The following COBL variants were observed in gnomAD, a reference collection of about 807,000 sequenced individuals.
COBL encodes protein cordon-bleu.
Under a neutral mutation model 98.8 loss-of-function variants are expected in COBL, and 51 were observed. The observed-to-expected ratio is 0.52, with a 90% CI of 0.41 to 0.65. The LOEUF (loss-of-function observed/expected upper bound fraction) is 0.65. Ranked by LOEUF, COBL falls within the 30% of genes least tolerant of loss-of-function variation. The pLI, the probability that COBL is intolerant of heterozygous loss-of-function variation, is 0.00. For missense variants in COBL, 1,617 were observed against 1,617.5 expected, an observed-to-expected ratio of 1.00 and a Z score of 0.01; for synonymous variants, 634 against 651.7, an observed-to-expected ratio of 0.97 and a Z score of 0.41.
intron 5 of COBL, among the ~76,000 whole-genome samples, chr7:51,156,069 T>C (rs2129028805): frequency 6.6e-6 from 1 of 152,314 alleles, no homozygotes; most frequent in East Asian, 1.9e-4. Context: ...GCTATAAAGC[T>C]AGAAAATCAT....
At chr7:51,057,408 T>C (rs1790870489) in intron 7 of COBL, among the ~76,000 whole-genome samples, 1 of 152,110 alleles carries the variant, frequency 6.6e-6, no homozygotes, top group Non-Finnish European at 1.5e-5. Context: ...CATATCCCCC[T>C]GTGAATAAGC....
intron 1 of COBL, among the ~76,000 whole-genome samples, chr7:51,315,360 A>G (rs1213933990): frequency 1.3e-5 from 2 of 152,070 alleles, no homozygotes; most frequent in Admixed American, 6.5e-5. Context: ...CCTGGCATTA[A>G]AGGAAAACTT....
At chr7:51,188,709 C>T (rs186427457) in intron 4 of COBL, among the ~76,000 whole-genome samples, 156 of 152,282 alleles carry the variant, frequency 1.0e-3, no homozygotes, top group African/African-American at 3.5e-3. Context: ...CCAAGCTGAC[C>T]GCACCGGCTT....
intron 1 of COBL, among the ~76,000 whole-genome samples, chr7:51,285,831 C>T (rs1800306659): frequency 6.6e-6 from 1 of 152,118 alleles, no homozygotes; most frequent in Non-Finnish European, 1.5e-5. Context: ...ATTACATAGC[C>T]TTAAGACTTA....
intron 5 of COBL, among the ~76,000 whole-genome samples, chr7:51,181,946 C>T (rs1435155168): frequency 6.6e-6 from 1 of 152,226 alleles, no homozygotes; most frequent in Non-Finnish European, 1.5e-5. Flanking sequence ...TCCCCACACC[C>T]TGAACTATCA....
chr7:51,119,104 A>G (rs1258124204), intron 6 of COBL, among the ~76,000 whole-genome samples: 1 of 152,208 alleles, frequency 6.6e-6, no homozygotes, highest in African/African-American at 2.4e-5. Context: ...GACACATAAA[A>G]AGGTTAAAAC....
At chr7:51,129,824 C>G (rs186803867) in intron 6 of COBL, among the ~76,000 whole-genome samples, 2 of 152,112 alleles carry the variant, frequency 1.3e-5, no homozygotes, top group Non-Finnish European at 2.9e-5. Flanking sequence ...TCAACTGTGA[C>G]GTGAGGCCAG....
intron 7 of COBL, among the ~76,000 whole-genome samples, chr7:51,067,926 G>A (rs1436873919): frequency 6.6e-6 from 1 of 152,182 alleles, no homozygotes; most frequent in Non-Finnish European, 1.5e-5. Context: ...CAGCCCCTTC[G>A]ACTGCTTGCT....
Position 51,083,950 on chromosome 7 carries a change from C to T in COBL, c.1096+1216G>A, listed in dbSNP as rs186118428. ...TGCCACTTAAAATTTAAACCAGGGG[C>T]TTTTGTCCATTTATGAAAAATGGGG... On this transcript the variant is annotated intron_variant, in intron 7 of 12. Transcript: ENST00000265136. 1.9e-3 allele frequency among the ~76,000 whole-genome samples: 285 copies of T among 152,184 alleles called. 2 individuals carry two copies. Among genetic ancestry groups the T allele is most frequent in the African/African-American group, 6.7e-3 (279 of 41,532 alleles).
At chr7:51,024,699 C>T (rs1787338124) in intron 12 of COBL, among the ~76,000 whole-genome samples, 1 of 151,392 alleles carries the variant, frequency 6.6e-6, no homozygotes, top group Non-Finnish European at 1.5e-5. Context: ...ATGAATAAGA[C>T]TGGCGGCTTC....
At chr7:51,163,667 T>C (rs1717089893) in intron 5 of COBL, among the ~76,000 whole-genome samples, 1 of 152,234 alleles carries the variant, frequency 6.6e-6, no homozygotes, top group Non-Finnish European at 1.5e-5. Flanking sequence ...ACTTCTTCCT[T>C]CTTTCACAGA....
intron 6 of COBL, among the ~76,000 whole-genome samples, chr7:51,124,388 T>C (rs1018740468): frequency 6.6e-6 from 1 of 152,184 alleles, no homozygotes; most frequent in Admixed American, 6.5e-5. Context: ...CCAGCAGAGA[T>C]GAATAACTTC....
At chr7:51,201,821 A>G (rs1427520205) in intron 2 of COBL, among the ~76,000 whole-genome samples, 2 of 152,204 alleles carry the variant, frequency 1.3e-5, no homozygotes, top group African/African-American at 4.8e-5. Context: ...GAATGAAAAA[A>G]AAATACAAAC....
chr7:51,057,096 G>A lies in COBL; in HGVS notation c.1097-13404C>T, dbSNP rs181091192. 2.0e-5 allele frequency among the ~76,000 whole-genome samples: 3 copies of A among 152,270 alleles called. 1 individual carries two copies. The highest frequency in any genetic ancestry group is 2.0e-4 in the Admixed American group (3 of 15,296). On this transcript the variant is annotated intron_variant, in intron 7 of 12. Coordinates refer to ENST00000265136, the MANE Select transcript of COBL (RefSeq NM_015198.5). The stretch of plus-strand genomic sequence containing the variant: ...TCCCCTGCCTGTGAGTCACTTAGCA[G>A]TGGTCTTGGTTCTCAGACGGACTGT...
At chr7:51,046,901 T>C (rs544495776) in intron 7 of COBL, among the ~76,000 whole-genome samples, 2 of 152,308 alleles carry the variant, frequency 1.3e-5, no homozygotes, top group Non-Finnish European at 1.5e-5. Context: ...AAATAAGCAG[T>C]TGGCTCTGAC....
chr7:51,159,128 CCGGCCGCGCGCACCTGG>C (rs1393124849), intron 5 of COBL, among the ~76,000 whole-genome samples: 1 of 152,172 alleles, frequency 6.6e-6, no homozygotes, highest in Non-Finnish European at 1.5e-5. Flanking sequence ...TCTGCAGCCC[CCGGCCGCGCGCACCTGG>C]CGGCCGCGCG....
At chr7:51,077,548 T>C (rs989148078) in intron 7 of COBL, among the ~76,000 whole-genome samples, 2 of 152,250 alleles carry the variant, frequency 1.3e-5, no homozygotes, top group African/African-American at 2.4e-5. Context: ...TTGCCCTATG[T>C]TGCCTTTAAA....
intron 5 of COBL, among the ~76,000 whole-genome samples, chr7:51,174,866 A>G (rs1788218898): frequency 6.6e-6 from 1 of 152,186 alleles, no homozygotes; most frequent in African/African-American, 2.4e-5. Flanking sequence ...AACTCTCTAC[A>G]TTAATCTTGC....
intron 6 of COBL, among the ~76,000 whole-genome samples, chr7:51,116,306 T>C (rs4947573): frequency 0.61 from 92,838 of 151,968 alleles, 28,655 homozygotes; most frequent in Middle Eastern, 0.74. Flanking sequence ...ACTGGATTAG[T>C]TGTACCTCTT....
Sources: gnomAD v4.1 joint callset for allele counts (sites outside exome capture counted in the v4.1 genomes callset) on GRCh38, gnomAD v4.1.1 for gene constraint, MANE v1.5 for transcripts, NCBI Gene and HGNC (gene_info 2026-07-23, HGNC 2026-07-21) for gene names.